Variants in HLCS observed in about 807,000 individuals in gnomAD.
HLCS encodes holocarboxylase synthetase.
HLCS carries 53 observed loss-of-function variants against 75.0 expected under a neutral mutation model. The observed-to-expected ratio is 0.71, with a 90% CI of 0.57 to 0.89. The LOEUF (loss-of-function observed/expected upper bound fraction) is 0.89, where lower values mean the gene tolerates loss of function less well. Among genes scored for constraint, HLCS ranks in the 40% least tolerant of loss-of-function variants. The pLI, the probability that HLCS is intolerant of heterozygous loss-of-function variation, is 0.00. For missense variants in HLCS, 966 were observed against 1,074.0 expected (o/e 0.90, Z 1.41); for synonymous variants, 431 against 428.6 (o/e 1.01, Z -0.07).
chr21:36,826,564 A>C (rs1366265177), intron 6 of HLCS, among the ~76,000 whole-genome samples: 1 of 152,164 alleles, frequency 6.6e-6, no homozygotes, highest in Non-Finnish European at 1.5e-5. Flanking sequence ...CTTTCTGTTC[A>C]GATGTCCTAG....
chr21:36,966,709 G>C (rs906503441), upstream of HLCS: 5 of 753,642 alleles, frequency 6.6e-6, no homozygotes, highest in African/African-American at 9.6e-5. Context: ...CCCCGCCCCG[G>C]CCGGAAGGGC....
chr21:36,761,304 C>T (rs1250721965), intron 8 of HLCS, among the ~76,000 whole-genome samples: 1 of 152,208 alleles, frequency 6.6e-6, no homozygotes, highest in Non-Finnish European at 1.5e-5. Flanking sequence ...CTGTTGCTTC[C>T]ATGAAATCCC....
At chr21:36,966,792 G>T (rs2068621070), upstream of HLCS, among the ~76,000 whole-genome samples, 1 of 142,964 alleles carries the variant, frequency 7.0e-6, no homozygotes, top group South Asian at 2.3e-4. Flanking sequence ...AAGGTGACGC[G>T]GGCAACTGGA....
chr21:36,923,664 A>G (rs1449884166), intron 5 of HLCS, among the ~76,000 whole-genome samples: 3 of 152,254 alleles, frequency 2.0e-5, no homozygotes, highest in East Asian at 3.8e-4. Flanking sequence ...TGTGGAAACA[A>G]GATTCAAGTA....
At chr21:36,869,291 A>ATC (rs2063689569) in intron 6 of HLCS, among the ~76,000 whole-genome samples, 1 of 151,944 alleles carries the variant, frequency 6.6e-6, no homozygotes, top group Admixed American at 6.6e-5. Context: ...CGCCCGGCTA[A>ATC]TCTTCTAATC....
chr21:36,810,873 G>GGCCC (rs2145958716), intron 6 of HLCS, among the ~76,000 whole-genome samples: 1 of 152,248 alleles, frequency 6.6e-6, no homozygotes, highest in South Asian at 2.1e-4. Context: ...AGATCCAAGA[G>GGCCC]GCCCTGTCAA....
Position 36,810,162 on chromosome 21 carries a change from C to T in HLCS, c.1893-42877G>A, listed in dbSNP as rs2061471442. Reference sequence around the variant, plus strand: ...TTGATTTGAGACAGTATTCTATTTCCTTGGTTCTTCAAATGTTGGTTATTT... The same window carrying T: ...TTGATTTGAGACAGTATTCTATTTCTTTGGTTCTTCAAATGTTGGTTATTT... On this transcript the variant is annotated intron_variant, in intron 6 of 10. Transcript: ENST00000674895. 2.0e-5 allele frequency among the ~76,000 whole-genome samples: 3 copies of T among 152,152 alleles called. No individual in the cohort carries two copies. The South Asian group carries it at 6.2e-4, about 32-fold the overall frequency.
rs1272558917 is a variant in HLCS, at chr21:36,957,047, C to A, written c.330+4989G>T. On this transcript the variant is annotated intron_variant, in intron 2 of 10. Transcript: ENST00000674895. ...CAGCCTGGACAACAGAGCCAGACTC[C>A]GTCTCAAAAAAAAAAAAAAAAAAAG... 3.6e-4 allele frequency among the ~76,000 whole-genome samples: 35 copies of A among 95,894 alleles called. No individual in the cohort carries two copies. The Admixed American group carries it at 4.3e-3, about 12-fold the overall frequency. 62.9% of individuals were successfully genotyped at this position (95,894 alleles called of 152,430 possible). A position where few individuals can be genotyped will look rare whatever the true frequency, so the allele number is the denominator to read the frequency against.
chr21:36,786,073 AGAG>A (rs1454741043), intron 6 of HLCS, among the ~76,000 whole-genome samples: 1 of 152,140 alleles, frequency 6.6e-6, no homozygotes, highest in Non-Finnish European at 1.5e-5. Flanking sequence ...TTCTGCTAGG[AGAG>A]GAGAATGGGC....
chr21:36,827,041 T>C (rs2062029334), intron 6 of HLCS, among the ~76,000 whole-genome samples: 1 of 152,070 alleles, frequency 6.6e-6, no homozygotes, highest in South Asian at 2.1e-4. Flanking sequence ...CACAGACCTG[T>C]GGCGGGGAGG....
At chr21:36,762,558 T>C (rs1344411041) in intron 8 of HLCS, among the ~76,000 whole-genome samples, 1 of 152,092 alleles carries the variant, frequency 6.6e-6, no homozygotes, top group Non-Finnish European at 1.5e-5. Context: ...GGGGTCCTAG[T>C]GAAGGCCACA....
At chr21:36,894,196 A>T (rs535701030) in intron 6 of HLCS, among the ~76,000 whole-genome samples, 1 of 152,222 alleles carries the variant, frequency 6.6e-6, no homozygotes, top group South Asian at 2.1e-4. Flanking sequence ...CACCTTCTGC[A>T]ACGATTGTAA....
At chr21:36,803,553 C>T in intron 6 of HLCS, among the ~76,000 whole-genome samples, 1 of 152,210 alleles carries the variant, frequency 6.6e-6, no homozygotes, top group East Asian at 1.9e-4. Flanking sequence ...TTTTGGCATT[C>T]CCTTACAGAG....
chr21:36,764,368 G>A (rs750845154), intron 8 of HLCS, among the ~76,000 whole-genome samples: 1 of 152,216 alleles, frequency 6.6e-6, no homozygotes, highest in Admixed American at 6.5e-5. Context: ...CTGCACTCCA[G>A]CTTGGTGACA....
intron 5 of HLCS, among the ~76,000 whole-genome samples, chr21:36,912,907 C>T (rs1466639222): frequency 6.6e-6 from 1 of 152,170 alleles, no homozygotes; most frequent in East Asian, 1.9e-4. Flanking sequence ...ACTCAAAGGA[C>T]CTCTCAGAAC....
chr21:36,796,908 C>T (rs2061042514), intron 6 of HLCS, among the ~76,000 whole-genome samples: 1 of 151,632 alleles, frequency 6.6e-6, no homozygotes, highest in African/African-American at 2.4e-5. Flanking sequence ...ACTCTATTGC[C>T]CAGGCTAGAG....
chr21:36,940,804 G>A (rs1408598840), intron 2 of HLCS, among the ~76,000 whole-genome samples: 1 of 152,298 alleles, frequency 6.6e-6, no homozygotes, highest in East Asian at 1.9e-4. Context: ...ATTTCATCTC[G>A]AACTGTAATC....
chr21:36,977,942 T>C (rs2068987460), intron 1 of HLCS, among the ~76,000 whole-genome samples: 1 of 152,208 alleles, frequency 6.6e-6, no homozygotes, highest in Non-Finnish European at 1.5e-5. Context: ...CACTTCATCC[T>C]CATGAGCGCT....
intron 6 of HLCS, among the ~76,000 whole-genome samples, chr21:36,798,617 C>G (rs1357789726): frequency 6.6e-6 from 1 of 152,210 alleles, no homozygotes; most frequent in East Asian, 1.9e-4. Context: ...AGACTGTTTT[C>G]AAAAGTGGCT....
Sources: gnomAD v4.1 joint callset for allele counts (sites outside exome capture counted in the v4.1 genomes callset) on GRCh38, gnomAD v4.1.1 for gene constraint, MANE v1.5 for transcripts, NCBI Gene and HGNC (gene_info 2026-07-23, HGNC 2026-07-21) for gene names.